Variants in PPP1R3B observed in about 807,000 individuals in gnomAD.
PPP1R3B encodes the protein protein phosphatase 1 regulatory subunit 3B.
A neutral mutation model predicts 14.6 loss-of-function variants in PPP1R3B; 8 were observed. The ratio of observed to expected loss-of-function variants is 0.55; its 90% CI spans 0.32 to 0.99. PPP1R3B has a LOEUF of 0.99. Among genes scored for constraint, PPP1R3B ranks in the 50% least tolerant of loss-of-function variants. The probability of loss-of-function intolerance (pLI) is 0.04; values close to 1 mark genes in which losing one functional copy is unlikely to be tolerated. For missense variants in PPP1R3B, 452 were observed against 360.1 expected (o/e 1.26, Z -2.07); for synonymous variants, 169 against 142.0 (o/e 1.19, Z -1.35).
Position 9,150,649 on chromosome 8 carries a change from G to A in PPP1R3B, c.-104C>T, listed in dbSNP as rs1801397045. ...TTGTGGCAAGCGCGACTACGTGAGC[G>A]TCGGTGTGTCCGGGAGGCAGGGCCT... On this transcript the variant is annotated 5_prime_UTR_variant, in exon 1 of 2. It adds an upstream start codon to the 5' untranslated region. Coordinates refer to ENST00000310455, the MANE Select transcript of PPP1R3B (RefSeq NM_024607.4). The A allele has an allele frequency of 6.6e-6, 1 of 152,368 alleles. No individual in the cohort carries two copies. Among genetic ancestry groups the A allele is most frequent in the Non-Finnish European group, 1.5e-5 (1 of 68,148 alleles). The allele number at this position is 152,368 out of a possible 1,614,324, so 9.4% of individuals were successfully genotyped here.
At position 9,138,888 on chromosome 8, in the gene PPP1R3B, AC is replaced by A. The variant is rs1230352699; in HGVS notation, c.*1905del. Reference sequence around the variant, plus strand: ...ACACCAATCTTGCCCAAGAAAAATCACAGGTTTGGGGCCTATCTGATAATGA... The same window carrying A: ...ACACCAATCTTGCCCAAGAAAAATCAAGGTTTGGGGCCTATCTGATAATGA... On this transcript the variant is annotated 3_prime_UTR_variant, in exon 2 of 2. Coordinates refer to ENST00000310455, the MANE Select transcript of PPP1R3B (RefSeq NM_024607.4). The A allele has an allele frequency of 6.9e-6, 1 of 145,614 alleles. No individual in the cohort carries two copies. The highest frequency in any genetic ancestry group is 1.5e-5 in the Non-Finnish European group (1 of 65,994). 9.0% of individuals were successfully genotyped at this position (145,614 alleles called of 1,614,324 possible).
At chr8:9,150,135 C>G (rs1158656645) in intron 1 of PPP1R3B, among the ~76,000 whole-genome samples, 2 of 152,130 alleles carry the variant, frequency 1.3e-5, no homozygotes, top group African/African-American at 4.8e-5. Context: ...CAACTCTGCC[C>G]AAGGAAACAT....
In PPP1R3B at chr8:9,140,004, C is replaced by T. The variant is rs920265855; in HGVS notation, c.*790G>A. The T allele has an allele frequency of 1.3e-5, 2 of 152,184 alleles. No individual in the cohort carries two copies. Among genetic ancestry groups the T allele is most frequent in the Non-Finnish European group, 2.9e-5 (2 of 68,060 alleles). The allele number at this position is 152,184 out of a possible 1,614,324, so 9.4% of individuals were successfully genotyped here. ...GCAAAAGTAGAAGCTGAAAGTGTCC[C>T]CACTCTTGACTGTCCTGCCTTGTCA... On this transcript the variant is annotated 3_prime_UTR_variant, in exon 2 of 2. Coordinates refer to ENST00000310455, the MANE Select transcript of PPP1R3B (RefSeq NM_024607.4).
At chr8:9,143,864 A>G (rs1226635628) in intron 1 of PPP1R3B, among the ~76,000 whole-genome samples, 1 of 152,164 alleles carries the variant, frequency 6.6e-6, no homozygotes, top group Non-Finnish European at 1.5e-5. Context: ...CAAAAACTAT[A>G]TTTTCTTTAA....
In PPP1R3B at chr8:9,140,979, T is replaced by C. The variant is rs754809172; in HGVS notation, c.673A>G (p.Asn225Asp). 1 of 1,614,122 alleles carries C rather than the reference T, an allele frequency of 6.2e-7. No individual in the cohort carries two copies. Among genetic ancestry groups the C allele is most frequent in the Non-Finnish European group, 8.5e-7 (1 of 1,179,940 alleles). The change falls in exon 2 of 2, where the codon AAC (asparagine) becomes GAC (aspartate). Residue 225 changes from asparagine to aspartate, a missense_variant. Coordinates refer to ENST00000310455, the MANE Select transcript of PPP1R3B (RefSeq NM_024607.4). The stretch of plus-strand genomic sequence containing the variant: ...ATGATCCTATAGTTCTTGCCTCTGT[T>C]GCTGTCCCAGTACGTCTGTCCATTG... ...ECNGQTYWDS[N>D]RGKNYRIIRA...
intron 1 of PPP1R3B, among the ~76,000 whole-genome samples, chr8:9,146,647 C>G (rs1229721930): frequency 6.6e-6 from 1 of 152,148 alleles, no homozygotes; most frequent in Non-Finnish European, 1.5e-5. Flanking sequence ...AACTTATGGC[C>G]AGAATGCAGG....
chr8:9,151,517 C>T (rs1444312077), upstream of PPP1R3B: 1 of 190,314 alleles, frequency 5.3e-6, no homozygotes, highest in Non-Finnish European at 1.1e-5. Flanking sequence ...TCACCTCCTC[C>T]CTCCAGCAGT....
intron 1 of PPP1R3B, among the ~76,000 whole-genome samples, chr8:9,149,753 C>G (rs960755359): frequency 6.6e-6 from 1 of 152,240 alleles, no homozygotes; most frequent in African/African-American, 2.4e-5. Context: ...TATTCACAGC[C>G]TTAAAGGCTC....
Position 9,139,988 on chromosome 8 carries a change from G to A in PPP1R3B, c.*806C>T, listed in dbSNP as rs1012671239. On this transcript the variant is annotated 3_prime_UTR_variant, in exon 2 of 2. Transcript: ENST00000310455. ...AAGCTCCCCCTAGAAGGCAAAAGTA[G>A]AAGCTGAAAGTGTCCCCACTCTTGA... 6.6e-6 allele frequency: 1 copy of A among 152,194 alleles called. No individual in the cohort carries two copies. Among genetic ancestry groups the A allele is most frequent in the Admixed American group, 6.5e-5 (1 of 15,276 alleles). The allele number at this position is 152,194 out of a possible 1,614,324, so 9.4% of individuals were successfully genotyped here.
chr8:9,139,338 G>A lies in PPP1R3B; in HGVS notation c.*1456C>T, dbSNP rs1395699881. ...TAAAATAACGTATAAGAACTTGGGT[G>A]AGGTTTTTCTCCCCTATCTCTTTAC... On this transcript the variant is annotated 3_prime_UTR_variant, in exon 2 of 2. Coordinates refer to ENST00000310455, the MANE Select transcript of PPP1R3B (RefSeq NM_024607.4). 1 of 152,192 alleles carries A rather than the reference G, an allele frequency of 6.6e-6. No individual in the cohort carries two copies. The highest frequency in any genetic ancestry group is 1.5e-5 in the Non-Finnish European group (1 of 68,044). The allele number at this position is 152,192 out of a possible 1,614,324, so 9.4% of individuals were successfully genotyped here.
rs1280289297 is a variant in PPP1R3B, at chr8:9,149,208, A to AAAAAAAAT, written c.-18+1354_-18+1355insATTTTTTT. Reference sequence around the variant, plus strand: ...ACTACGTCTCAAAAAAAAAAAAAAAAGGCAAAAAAAGGCCGGGCGTGGTGG... The same window carrying AAAAAAAAT: ...ACTACGTCTCAAAAAAAAAAAAAAAAAAAAAAATGGCAAAAAAAGGCCGGGCGTGGTGG... On this transcript the variant is annotated intron_variant, in intron 1 of 1. Coordinates refer to ENST00000310455, the MANE Select transcript of PPP1R3B (RefSeq NM_024607.4). Among the ~76,000 whole-genome samples the AAAAAAAAT allele has an allele frequency of 4.7e-4, 64 of 136,642 alleles. 2 individuals are homozygous for AAAAAAAAT. The highest frequency in any genetic ancestry group is 1.8e-3 in the African/African-American group (63 of 35,170). 89.6% of individuals were successfully genotyped at this position (136,642 alleles called of 152,430 possible). A position where few individuals can be genotyped will look rare whatever the true frequency, so the allele number is the denominator to read the frequency against.
chr8:9,150,287 T>A (rs559632771), intron 1 of PPP1R3B, among the ~76,000 whole-genome samples: 1 of 152,282 alleles, frequency 6.6e-6, no homozygotes, highest in South Asian at 2.1e-4. Context: ...GTCCAGTCTT[T>A]CCTCTGTTTT....
chr8:9,151,039 A>G (rs958920540), upstream of PPP1R3B, among the ~76,000 whole-genome samples: 1 of 152,090 alleles, frequency 6.6e-6, no homozygotes, highest in African/African-American at 2.4e-5. Context: ...AAGCCAGAAC[A>G]ACAGGTGGTA....
At chr8:9,148,670 T>A (rs1283156578) in intron 1 of PPP1R3B, among the ~76,000 whole-genome samples, 1 of 152,164 alleles carries the variant, frequency 6.6e-6, no homozygotes, top group Non-Finnish European at 1.5e-5. Context: ...CTTTATCTGT[T>A]CCACTCATAA....
Position 9,139,907 on chromosome 8 carries a change from T to C in PPP1R3B, c.*887A>G, listed in dbSNP as rs1801013742. On this transcript the variant is annotated 3_prime_UTR_variant, in exon 2 of 2. Coordinates refer to ENST00000310455, the MANE Select transcript of PPP1R3B (RefSeq NM_024607.4). ...GCCAAGCACGTTAAAGTCATTGAGC[T>C]TTCGGGGGAAAAATCAGATTTTTCC... 1 of 152,150 alleles carries C rather than the reference T, an allele frequency of 6.6e-6. No individual in the cohort carries two copies. Among genetic ancestry groups the C allele is most frequent in the African/African-American group, 2.4e-5 (1 of 41,422 alleles). 9.4% of individuals were successfully genotyped at this position (152,150 alleles called of 1,614,324 possible).
chr8:9,148,105 G>C (rs1220141277), intron 1 of PPP1R3B, among the ~76,000 whole-genome samples: 1 of 152,198 alleles, frequency 6.6e-6, no homozygotes, highest in Non-Finnish European at 1.5e-5. Flanking sequence ...GTTTGGTGTA[G>C]GCTTTCCTGA....
intron 1 of PPP1R3B, among the ~76,000 whole-genome samples, chr8:9,146,190 T>C (rs1200080956): frequency 6.6e-6 from 1 of 152,192 alleles, no homozygotes; most frequent in Non-Finnish European, 1.5e-5. Flanking sequence ...GATTTGACAG[T>C]TTCAATGGAC....
Position 9,138,588 on chromosome 8 carries a change from C to A in PPP1R3B, c.*2206G>T, listed in dbSNP as rs1432231088. 1 of 152,124 alleles carries A rather than the reference C, an allele frequency of 6.6e-6. No individual in the cohort carries two copies. The highest frequency in any genetic ancestry group is 2.4e-5 in the African/African-American group (1 of 41,406). The allele number at this position is 152,124 out of a possible 1,614,324, so 9.4% of individuals were successfully genotyped here. On this transcript the variant is annotated 3_prime_UTR_variant, in exon 2 of 2. Coordinates refer to ENST00000310455, the MANE Select transcript of PPP1R3B (RefSeq NM_024607.4). ...TCTGCCTGTTGGTTATGTACAAAGCCACAAATGGGAGGTCTTTTCAAATTA... is the reference window on the plus strand; with the variant it reads ...TCTGCCTGTTGGTTATGTACAAAGCAACAAATGGGAGGTCTTTTCAAATTA...
intron 1 of PPP1R3B, among the ~76,000 whole-genome samples, chr8:9,144,638 A>C (rs904974991): frequency 6.6e-6 from 1 of 152,266 alleles, no homozygotes; most frequent in Non-Finnish European, 1.5e-5. Context: ...GTTCAATGCC[A>C]CATTATAGGG....
Sources: gnomAD v4.1 joint callset for allele counts (sites outside exome capture counted in the v4.1 genomes callset) on GRCh38, gnomAD v4.1.1 for gene constraint, MANE v1.5 for transcripts, NCBI Gene and HGNC (gene_info 2026-07-23, HGNC 2026-07-21) for gene names.